LOC400499: variants seen among roughly 807,000 people sequenced by gnomAD.
At chr16:11,440,971 T>G in the LOC400499 span, 6 of 398,986 alleles carry the variant, frequency 1.5e-5, no homozygotes, top group Admixed American at 2.2e-4. Flanking sequence ...AGGGCCAGGC[T>G]GTGCCGGATT....
At chr16:11,439,710 C>T in the LOC400499 span, 1 of 395,166 alleles carries the variant, frequency 2.5e-6, no homozygotes, top group Non-Finnish European at 4.5e-6. Context: ...TCTGTCCTCC[C>T]TTAATATTCC....
chr16:11,406,898 T>C, the LOC400499 span, among the ~76,000 whole-genome samples: 1 of 152,210 alleles, frequency 6.6e-6, no homozygotes, highest in Non-Finnish European at 1.5e-5. Flanking sequence ...CATATTTCGT[T>C]TGTGTGATTT....
the LOC400499 span, among the ~76,000 whole-genome samples, chr16:11,385,632 C>T: frequency 6.6e-6 from 1 of 152,332 alleles, no homozygotes; most frequent in Non-Finnish European, 1.5e-5. Context: ...CAATTCAGCC[C>T]TAACAAGGAA....
At chr16:11,396,949 TA>T in the LOC400499 span, among the ~76,000 whole-genome samples, 1 of 152,152 alleles carries the variant, frequency 6.6e-6, no homozygotes. Flanking sequence ...AGTTGTGCCT[TA>T]GGCCCCTTCC....
At chr16:11,477,180 C>T in the LOC400499 span, among the ~76,000 whole-genome samples, 1 of 152,242 alleles carries the variant, frequency 6.6e-6, no homozygotes, top group Non-Finnish European at 1.5e-5. Flanking sequence ...GCCTGGGTTC[C>T]ATGACTGGGA....
At chr16:11,446,801 G>T in the LOC400499 span, 7 of 1,536,088 alleles carry the variant, frequency 4.6e-6, no homozygotes, top group Non-Finnish European at 6.1e-6. Context: ...GTTTCCTCTC[G>T]GCCATTCAGG....
chr16:11,446,801 G>A, the LOC400499 span: 10 of 1,535,970 alleles, frequency 6.5e-6, no homozygotes, highest in Admixed American at 2.0e-5. Flanking sequence ...GTTTCCTCTC[G>A]GCCATTCAGG....
chr16:11,385,465 A>G, the LOC400499 span: 2 of 1,188,266 alleles, frequency 1.7e-6, no homozygotes, highest in Non-Finnish European at 2.1e-6. Flanking sequence ...AGCTCCACCC[A>G]CCGCAGTAGG....
the LOC400499 span, among the ~76,000 whole-genome samples, chr16:11,403,227 G>C: frequency 1.3e-5 from 2 of 152,172 alleles, no homozygotes; most frequent in Admixed American, 6.5e-5. Flanking sequence ...TGGGCTGCAG[G>C]AGCCGTGCCC....
chr16:11,440,725 T>G, the LOC400499 span: 8 of 398,930 alleles, frequency 2.0e-5, no homozygotes, highest in Non-Finnish European at 3.1e-5. Flanking sequence ...TCTCCTGACC[T>G]GGGATGTGAC....
chr16:11,389,246 C>T, the LOC400499 span, among the ~76,000 whole-genome samples: 1 of 152,230 alleles, frequency 6.6e-6, no homozygotes, highest in Non-Finnish European at 1.5e-5. Context: ...GATCCACCCC[C>T]CCATCTCACC....
the LOC400499 span, among the ~76,000 whole-genome samples, chr16:11,407,970 G>GTTTTTTTTTTTTTT: frequency 6.3e-4 from 40 of 63,454 alleles, 5 homozygotes; most frequent in African/African-American, 2.3e-3. Context: ...TTCCAGAGCT[G>GTTTTTTTTTTTTTT]TTTTTTTTTT....
chr16:11,441,828 G>A, the LOC400499 span, among the ~76,000 whole-genome samples: 1 of 152,174 alleles, frequency 6.6e-6, no homozygotes, highest in Non-Finnish European at 1.5e-5. Context: ...GCCTCCAGAA[G>A]GAACACAACC....
the LOC400499 span, among the ~76,000 whole-genome samples, chr16:11,397,689 G>C: frequency 2.0e-5 from 3 of 147,970 alleles, no homozygotes; most frequent in East Asian, 6.1e-4. Context: ...GGTTCATAAA[G>C]CCTAAAATAT....
the LOC400499 span, among the ~76,000 whole-genome samples, chr16:11,391,368 G>A: frequency 6.7e-6 from 1 of 149,720 alleles, no homozygotes; most frequent in Non-Finnish European, 1.5e-5. Context: ...ACAGAAACAA[G>A]GCTGTATACT....
chr16:11,497,047 C>G, the LOC400499 span, among the ~76,000 whole-genome samples: 82 of 151,610 alleles, frequency 5.4e-4, no homozygotes, highest in Non-Finnish European at 9.4e-4. Context: ...TGTGTGTACA[C>G]GTGATCCAGC....
At chr16:11,459,946 G>C in the LOC400499 span, 1 of 1,508,342 alleles carries the variant, frequency 6.6e-7, no homozygotes, top group Non-Finnish European at 8.8e-7. Flanking sequence ...TTGAAGGTCT[G>C]GCTGACACGG....
chr16:11,517,174 A>G, the LOC400499 span, among the ~76,000 whole-genome samples: 7 of 152,072 alleles, frequency 4.6e-5, no homozygotes, highest in African/African-American at 1.7e-4. Flanking sequence ...CCACACTAGC[A>G]CATCTCCTGT....
chr16:11,483,710 A>T, the LOC400499 span, among the ~76,000 whole-genome samples: 420 of 140,042 alleles, frequency 3.0e-3, 2 homozygotes, highest in Non-Finnish European at 3.9e-3. Flanking sequence ...TACAACTTTT[A>T]AAAAAAAAAA....
Sources: allele counts gnomAD v4.1 joint callset (sites outside exome capture counted in the v4.1 genomes callset), GRCh38; gene constraint gnomAD v4.1.1; transcripts MANE v1.5.